The following TGFBRAP1 variants were observed in gnomAD, a reference collection of about 807,000 sequenced individuals.
TGFBRAP1 encodes transforming growth factor beta receptor associated protein 1.
Under a neutral mutation model 83.2 loss-of-function variants are expected in TGFBRAP1, and 20 were observed. That is an observed-to-expected ratio of 0.24 (90% CI 0.17 to 0.35). The LOEUF is 0.35. TGFBRAP1 is among the 10% of genes least tolerant of loss of function. The pLI is 1.00. For missense variants in TGFBRAP1, 950 were observed against 1,099.4 expected (o/e 0.86, Z 1.92); for synonymous variants, 415 against 459.8 (o/e 0.90, Z 1.25).
chr2:105,256,392 T>G, the TGFBRAP1 span, among the ~76,000 whole-genome samples: 1 of 152,166 alleles, frequency 6.6e-6, no homozygotes, highest in Non-Finnish European at 1.5e-5. Context: ...CTGCTGCTCC[T>G]TCTGCCTGGG....
intron 4 of TGFBRAP1, among the ~76,000 whole-genome samples, chr2:105,292,450 C>T (rs115496715): frequency 0.011 from 1,673 of 152,150 alleles, 38 homozygotes; most frequent in African/African-American, 0.039. Context: ...GGGGAAGCAA[C>T]AGACAATAGA....
chr2:105,329,007 C>A (rs887155291), intron 1 of TGFBRAP1, among the ~76,000 whole-genome samples: 2 of 152,142 alleles, frequency 1.3e-5, no homozygotes, highest in Admixed American at 1.3e-4. Flanking sequence ...CAGCTTCCAG[C>A]CCTTGACCTG....
rs548213660 is a variant in TGFBRAP1, at chr2:105,289,402, G to C, written c.1039-5004C>G. Among the ~76,000 whole-genome samples the C allele has an allele frequency of 2.1e-4, 32 of 152,198 alleles. 1 individual carries two copies. The South Asian group carries it at 4.6e-3, about 22-fold the overall frequency. ...ATATATTCAATATGGCTCAAATTTT[G>C]AGGCATTGAAAACGGATACAGTGAG... On this transcript the variant is annotated intron_variant, in intron 4 of 11. Coordinates refer to ENST00000393359, the MANE Select transcript of TGFBRAP1 (RefSeq NM_004257.6).
chr2:105,318,579 C>T (rs190973306), intron 1 of TGFBRAP1, among the ~76,000 whole-genome samples: 16 of 152,216 alleles, frequency 1.1e-4, no homozygotes, highest in Non-Finnish European at 2.9e-5. Context: ...CTGTATGTTC[C>T]TTGTTAAAAA....
In TGFBRAP1 at chr2:105,266,905, T is replaced by C. The variant is rs1027328081; in HGVS notation, c.*478A>G. The C allele has an allele frequency of 6.4e-6, 1 of 155,554 alleles. No homozygotes were observed. Among genetic ancestry groups the C allele is most frequent in the Non-Finnish European group, 1.4e-5 (1 of 70,066 alleles). The allele number at this position is 155,554 out of a possible 1,614,324, so 9.6% of individuals were successfully genotyped here. On this transcript the variant is annotated 3_prime_UTR_variant, in exon 12 of 12. Coordinates refer to ENST00000393359, the MANE Select transcript of TGFBRAP1 (RefSeq NM_004257.6). ...ACGTGTTTCTGCAGGAGGGCAAGGC[T>C]GACCCCCATGAGGCTCTGTGCCCTC...
intron 3 of TGFBRAP1, among the ~76,000 whole-genome samples, chr2:105,296,927 T>C (rs1374338082): frequency 6.6e-6 from 1 of 152,122 alleles, no homozygotes; most frequent in Non-Finnish European, 1.5e-5. Context: ...AGTTAGTTTA[T>C]ATAAAATTAA....
At chr2:105,259,409 T>C (rs1180343383), downstream of TGFBRAP1, among the ~76,000 whole-genome samples, 1 of 152,176 alleles carries the variant, frequency 6.6e-6, no homozygotes, top group East Asian at 1.9e-4. Context: ...AATGTCCCCT[T>C]ACTGTCCTGT....
At chr2:105,306,649 T>G (rs1678508756) in intron 2 of TGFBRAP1, among the ~76,000 whole-genome samples, 1 of 151,650 alleles carries the variant, frequency 6.6e-6, no homozygotes, top group Admixed American at 6.6e-5. Flanking sequence ...AATACAAAAA[T>G]TAGCCAGGCA....
In TGFBRAP1 at chr2:105,269,845, T is replaced by G; in HGVS notation, c.1973-140A>C. On this transcript the variant is annotated intron_variant, in intron 10 of 11. Transcript: ENST00000393359. This position sits in a 1 kb window ranked among gnomAD's most constrained non-coding sequence, Gnocchi z 4.1. ...ACAATGCCAAATGCTGCCACCCAGA[T>G]GACTGAGGGTAGGTTTTCTTGCATT... 1 of 896,484 alleles carries G rather than the reference T, an allele frequency of 1.1e-6. No homozygotes were observed. Among genetic ancestry groups the G allele is most frequent in the Non-Finnish European group, 1.6e-6 (1 of 622,512 alleles). 55.5% of individuals were successfully genotyped at this position (896,484 alleles called of 1,614,324 possible).
At chr2:105,328,205 T>C (rs1370332854) in intron 1 of TGFBRAP1, among the ~76,000 whole-genome samples, 1 of 152,122 alleles carries the variant, frequency 6.6e-6, no homozygotes, top group Non-Finnish European at 1.5e-5. Context: ...TCACAGGAAA[T>C]GGCAGAGGCA....
At chr2:105,288,133 G>A (rs1677777887) in intron 4 of TGFBRAP1, among the ~76,000 whole-genome samples, 1 of 152,214 alleles carries the variant, frequency 6.6e-6, no homozygotes, top group South Asian at 2.1e-4. Flanking sequence ...GCTCAGACTA[G>A]AATATTTTTC....
chr2:105,316,528 T>C (rs1304455439), intron 1 of TGFBRAP1, among the ~76,000 whole-genome samples: 1 of 150,264 alleles, frequency 6.7e-6, no homozygotes, highest in Admixed American at 6.6e-5. Flanking sequence ...CATGGCAGAC[T>C]GGGAGCAGTG....
At chr2:105,304,060 GTA>G (rs1056136591) in intron 2 of TGFBRAP1, among the ~76,000 whole-genome samples, 3 of 152,098 alleles carry the variant, frequency 2.0e-5, no homozygotes, top group Non-Finnish European at 2.9e-5. Flanking sequence ...AAACATAAGT[GTA>G]TATATATATT....
At chr2:105,295,865 C>T (rs1558642742) in intron 4 of TGFBRAP1, among the ~76,000 whole-genome samples, 3 of 150,772 alleles carry the variant, frequency 2.0e-5, no homozygotes, top group African/African-American at 7.3e-5. Flanking sequence ...GATGGGGTTC[C>T]TACAATACCA....
chr2:105,283,602 T>G (rs769562196), intron 5 of TGFBRAP1, among the ~76,000 whole-genome samples: 1 of 152,220 alleles, frequency 6.6e-6, no homozygotes, highest in Non-Finnish European at 1.5e-5. Context: ...TAACTTAATC[T>G]TCTGCAAAGA....
At chr2:105,325,548 A>G (rs1679202409) in intron 1 of TGFBRAP1, among the ~76,000 whole-genome samples, 1 of 152,164 alleles carries the variant, frequency 6.6e-6, no homozygotes, top group Non-Finnish European at 1.5e-5. Context: ...GAACAAAGCA[A>G]CAACTCTCAG....
intron 4 of TGFBRAP1, among the ~76,000 whole-genome samples, chr2:105,289,457 G>A (rs1159301517): frequency 6.6e-6 from 1 of 152,204 alleles, no homozygotes; most frequent in South Asian, 2.1e-4. Context: ...GCCAGCAGAT[G>A]CCCTCCAGAA....
intron 1 of TGFBRAP1, chr2:105,324,183 T>C (rs940730336): frequency 5.3e-5 from 8 of 152,254 alleles, no homozygotes; most frequent in South Asian, 4.1e-4. Flanking sequence ...CTAGCACTAA[T>C]TGATTCATTT....
At chr2:105,274,892 T>C (rs1573162881) in intron 8 of TGFBRAP1, among the ~76,000 whole-genome samples, 1 of 152,218 alleles carries the variant, frequency 6.6e-6, no homozygotes, top group South Asian at 2.1e-4. Flanking sequence ...TGGAAGCGTA[T>C]ACGTTTTTCA....
Sources: allele counts gnomAD v4.1 joint callset (sites outside exome capture counted in the v4.1 genomes callset), GRCh38; gene constraint gnomAD v4.1.1; non-coding constraint Gnocchi (gnomAD v3.1); transcripts MANE v1.5; gene names NCBI Gene and HGNC (gene_info 2026-07-23, HGNC 2026-07-21).